Variants in RAPGEF4 observed in about 807,000 individuals in gnomAD.
RAPGEF4 encodes RAP guanine-nucleotide-exchange factor (GEF) 4.
A neutral mutation model predicts 147.9 loss-of-function variants in RAPGEF4; 66 were observed. The observed-to-expected ratio is 0.45, with a 90% CI of 0.37 to 0.55. The LOEUF is 0.55. Ranked by LOEUF, RAPGEF4 falls within the 20% of genes least tolerant of loss-of-function variation. RAPGEF4 has a pLI of 0.00. For missense variants in RAPGEF4, 1,071 were observed against 1,257.3 expected (o/e 0.85, Z 2.24); for synonymous variants, 419 against 442.7 (o/e 0.95, Z 0.67).
At chr2:172,953,044 C>T (rs1021892986) in intron 6 of RAPGEF4, among the ~76,000 whole-genome samples, 4 of 152,012 alleles carry the variant, frequency 2.6e-5, no homozygotes, top group African/African-American at 7.2e-5. Context: ...TTCCTTCGTC[C>T]GGTTTTACAG....
intron 5 of RAPGEF4, among the ~76,000 whole-genome samples, chr2:172,921,069 G>A (rs946204406): frequency 6.6e-6 from 1 of 151,890 alleles, no homozygotes; most frequent in African/African-American, 2.4e-5. Context: ...CTGTACTACT[G>A]CCTACTAGGA....
At chr2:172,824,412 C>A (rs1345422610) in intron 4 of RAPGEF4, among the ~76,000 whole-genome samples, 1 of 152,210 alleles carries the variant, frequency 6.6e-6, no homozygotes, top group Admixed American at 6.5e-5. Context: ...TCTGCATACA[C>A]CTGGCTGGTG....
intron 4 of RAPGEF4, among the ~76,000 whole-genome samples, chr2:172,891,426 A>G (rs1364495911): frequency 2.6e-5 from 4 of 152,156 alleles, no homozygotes; most frequent in African/African-American, 9.7e-5. Context: ...TCTCCTTTTA[A>G]AAAGACATTT....
At chr2:172,919,923 T>G (rs1559120687) in intron 5 of RAPGEF4, among the ~76,000 whole-genome samples, 2 of 152,224 alleles carry the variant, frequency 1.3e-5, no homozygotes. Flanking sequence ...TTCCTTTGCA[T>G]GTTCACAGTC....
chr2:172,874,413 A>C (rs1397633728), intron 4 of RAPGEF4, among the ~76,000 whole-genome samples: 2 of 151,822 alleles, frequency 1.3e-5, no homozygotes, highest in Non-Finnish European at 2.9e-5. Context: ...CTCACCCCAC[A>C]ACAGGCCCCG....
At chr2:173,010,704 A>G (rs1016349806) in intron 17 of RAPGEF4, among the ~76,000 whole-genome samples, 3 of 152,194 alleles carry the variant, frequency 2.0e-5, no homozygotes, top group Non-Finnish European at 4.4e-5. Context: ...AAGCCTGGGG[A>G]GATTGTTATG....
intron 11 of RAPGEF4, among the ~76,000 whole-genome samples, chr2:172,984,292 G>T (rs766719273): frequency 2.6e-5 from 4 of 152,150 alleles, no homozygotes; most frequent in Non-Finnish European, 5.9e-5. Context: ...AGGTCCCTAA[G>T]AAATATCTAG....
intron 4 of RAPGEF4, among the ~76,000 whole-genome samples, chr2:172,862,932 G>C (rs1694195959): frequency 6.6e-6 from 1 of 152,190 alleles, no homozygotes; most frequent in Admixed American, 6.5e-5. Context: ...GCACAGGGGA[G>C]GTGGGGGACT....
At chr2:172,904,453 T>A (rs1008642075) in intron 4 of RAPGEF4, among the ~76,000 whole-genome samples, 1 of 152,238 alleles carries the variant, frequency 6.6e-6, no homozygotes, top group Admixed American at 6.5e-5. Context: ...ATTGACCTAC[T>A]GTGTGTGTCT....
At chr2:172,760,051 C>G (rs750816404) in intron 1 of RAPGEF4, among the ~76,000 whole-genome samples, 1 of 152,118 alleles carries the variant, frequency 6.6e-6, no homozygotes, top group Non-Finnish European at 1.5e-5. Context: ...CAAAAAAATG[C>G]CCCAAGAAAA....
At chr2:173,011,170 G>GCGCGCGCGCACACACACA (rs564434178) in intron 17 of RAPGEF4, among the ~76,000 whole-genome samples, 32 of 133,564 alleles carry the variant, frequency 2.4e-4, no homozygotes, top group Middle Eastern at 4.0e-3. Context: ...GCGCGCGCGC[G>GCGCGCGCGCACACACACA]CACACACACA....
At chr2:173,004,200 C>T (rs111575658) in intron 17 of RAPGEF4, among the ~76,000 whole-genome samples, 3 of 152,232 alleles carry the variant, frequency 2.0e-5, no homozygotes, top group African/African-American at 7.2e-5. Context: ...GATAGTAGAA[C>T]TCTGCTGAAC....
At chr2:172,933,847 C>T (rs964391790) in intron 6 of RAPGEF4, among the ~76,000 whole-genome samples, 1 of 152,172 alleles carries the variant, frequency 6.6e-6, no homozygotes, top group African/African-American at 2.4e-5. Context: ...ATTTAATAGA[C>T]ATCCTCAGGG....
chr2:172,974,930 A>G (rs2105581443), intron 10 of RAPGEF4, among the ~76,000 whole-genome samples: 1 of 152,258 alleles, frequency 6.6e-6, no homozygotes. Flanking sequence ...ATGTATTGTC[A>G]GGAGCAGAAT....
At chr2:173,012,284 C>T (rs1202840971) in intron 17 of RAPGEF4, among the ~76,000 whole-genome samples, 2 of 152,080 alleles carry the variant, frequency 1.3e-5, no homozygotes, top group Admixed American at 6.5e-5. Flanking sequence ...GTCTAGGGAG[C>T]GAGCCCAGCC....
At chr2:172,847,157 G>T (rs749807786) in intron 4 of RAPGEF4, among the ~76,000 whole-genome samples, 1 of 152,200 alleles carries the variant, frequency 6.6e-6, no homozygotes, top group Non-Finnish European at 1.5e-5. Context: ...TAGTTCCAGA[G>T]TTAGCGGTTG....
intron 6 of RAPGEF4, among the ~76,000 whole-genome samples, chr2:172,948,144 C>A (rs1051451239): frequency 6.6e-6 from 1 of 152,184 alleles, no homozygotes; most frequent in Non-Finnish European, 1.5e-5. Flanking sequence ...TATGGGACTA[C>A]ATGATGTATT....
At chr2:173,050,655 G>A (rs76870288) in intron 30 of RAPGEF4, among the ~76,000 whole-genome samples, 1 of 151,628 alleles carries the variant, frequency 6.6e-6, no homozygotes, top group East Asian at 1.9e-4. Flanking sequence ...AGAGGTGTTG[G>A]GTCTAAAGAG....
chr2:172,836,067 T>C (rs1025173226), intron 4 of RAPGEF4, among the ~76,000 whole-genome samples: 6 of 152,230 alleles, frequency 3.9e-5, no homozygotes, highest in Non-Finnish European at 8.8e-5. Context: ...ATCTAACTTG[T>C]TGAAATGGAA....
Sources: allele counts gnomAD v4.1 joint callset (sites outside exome capture counted in the v4.1 genomes callset), GRCh38; gene constraint gnomAD v4.1.1; transcripts MANE v1.5; gene names NCBI Gene and HGNC (gene_info 2026-07-23, HGNC 2026-07-21).